PRKG1: variants seen among roughly 807,000 people sequenced by gnomAD.
PRKG1 encodes cGMP-dependent protein kinase 1.
A neutral mutation model predicts 88.1 loss-of-function variants in PRKG1; 35 were observed. The observed-to-expected ratio is 0.40, with a 90% CI of 0.30 to 0.53. The LOEUF is 0.53. Among genes scored for constraint, PRKG1 ranks in the 20% least tolerant of loss-of-function variants. PRKG1 has a pLI of 0.59. For synonymous variants in PRKG1, 303 were observed against 292.5 expected (o/e 1.04, Z -0.37); for missense variants, 540 against 839.8 (o/e 0.64, Z 4.41).
Position 51,034,664 on chromosome 10 carries a change from TTATTTA to T in PRKG1, c.266+43024_266+43029del, listed in dbSNP as rs1156240363. On this transcript the variant is annotated intron_variant, in intron 1 of 17. Coordinates refer to the PRKG1 transcript ENST00000401604. ...AATAAGCAAAATTATATATAATATG[TTATTTA>T]TATATATATATATATATATATATAT... 9.7e-3 allele frequency among the ~76,000 whole-genome samples: 96 copies of T among 9,944 alleles called. No individual in the cohort carries two copies. The East Asian group carries it at 0.2, about 20-fold the overall frequency. 6.5% of individuals were successfully genotyped at this position (9,944 alleles called of 152,430 possible).
intron 9 of PRKG1, among the ~76,000 whole-genome samples, chr10:52,166,880 T>TACACACACACAC (rs143459696): frequency 2.5e-5 from 3 of 121,946 alleles, no homozygotes; most frequent in African/African-American, 9.4e-5. Context: ...TGTGTATGTA[T>TACACACACACAC]ACACACACAC....
chr10:51,094,711 G>T (rs11596711), intron 1 of PRKG1, among the ~76,000 whole-genome samples: 6,446 of 152,176 alleles, frequency 0.042, 192 homozygotes, highest in Middle Eastern at 0.092. Context: ...AAAAGCTGCC[G>T]AAACCCTTGT....
chr10:51,625,288 C>T (rs1839307134), intron 3 of PRKG1, among the ~76,000 whole-genome samples: 1 of 151,990 alleles, frequency 6.6e-6, no homozygotes, highest in South Asian at 2.1e-4. Context: ...ACCAGACTGG[C>T]TAACATGGTG....
chr10:52,005,996 G>A (rs1844724853), intron 5 of PRKG1, among the ~76,000 whole-genome samples: 2 of 151,586 alleles, frequency 1.3e-5, no homozygotes, highest in Admixed American at 1.3e-4. Context: ...TTAAGACACA[G>A]TAGCAAACTA....
chr10:51,255,968 G>A (rs1441786984), intron 2 of PRKG1, among the ~76,000 whole-genome samples: 1 of 151,962 alleles, frequency 6.6e-6, no homozygotes, highest in East Asian at 1.9e-4. Context: ...ACTTCTAATG[G>A]GTCCAGATCA....
chr10:51,552,274 C>G (rs944235374), intron 3 of PRKG1, among the ~76,000 whole-genome samples: 6 of 151,586 alleles, frequency 4.0e-5, no homozygotes, highest in African/African-American at 1.4e-4. Flanking sequence ...CAAAAAGTTT[C>G]TAATAATGTC....
chr10:51,979,298 G>T (rs1168833708), intron 5 of PRKG1, among the ~76,000 whole-genome samples: 1 of 151,526 alleles, frequency 6.6e-6, no homozygotes, highest in African/African-American at 2.4e-5. Flanking sequence ...TGAATCTTAG[G>T]GATAAAGCCT....
chr10:52,267,004 C>T (rs976272393), intron 10 of PRKG1, among the ~76,000 whole-genome samples: 3 of 151,618 alleles, frequency 2.0e-5, no homozygotes, highest in Non-Finnish European at 4.4e-5. Context: ...TTTCTCTACT[C>T]GAAAGTAATT....
At chr10:52,133,775 C>T in intron 7 of PRKG1, 65 bp from the exon 8 acceptor site, 3 of 1,344,414 alleles carry the variant, frequency 2.2e-6, no homozygotes, top group African/African-American at 2.9e-5. Flanking sequence ...CTGAATTAAT[C>T]ACAATGGACA....
intron 1 of PRKG1, among the ~76,000 whole-genome samples, chr10:51,151,055 T>C (rs1846059311): frequency 6.6e-6 from 1 of 151,024 alleles, no homozygotes; most frequent in Non-Finnish European, 1.5e-5. Context: ...TGTATGTAGC[T>C]GAACAAGTTG....
chr10:51,797,052 A>G (rs936532888), intron 3 of PRKG1, among the ~76,000 whole-genome samples: 5 of 152,026 alleles, frequency 3.3e-5, no homozygotes, highest in Non-Finnish European at 7.4e-5. Flanking sequence ...GAACAAAGGC[A>G]TGGAGTAAAA....
intron 3 of PRKG1, among the ~76,000 whole-genome samples, chr10:51,722,448 A>G (rs1589232597): frequency 6.6e-6 from 1 of 151,744 alleles, no homozygotes; most frequent in Non-Finnish European, 1.5e-5. Flanking sequence ...TTTATTTATC[A>G]TATATATATT....
intron 2 of PRKG1, among the ~76,000 whole-genome samples, chr10:51,303,394 A>T (rs926243531): frequency 6.6e-6 from 1 of 150,868 alleles, no homozygotes; most frequent in Non-Finnish European, 1.5e-5. Context: ...AAACAGGCCT[A>T]TTCAGTTTAA....
chr10:51,755,435 A>C (rs1323087691), intron 3 of PRKG1, among the ~76,000 whole-genome samples: 1 of 152,214 alleles, frequency 6.6e-6, no homozygotes, highest in African/African-American at 2.4e-5. Context: ...TAAACAATCC[A>C]CTTAGAAATC....
At chr10:51,580,489 T>TA (rs1360671973) in intron 3 of PRKG1, among the ~76,000 whole-genome samples, 7 of 152,220 alleles carry the variant, frequency 4.6e-5, no homozygotes, top group East Asian at 3.9e-4. Flanking sequence ...GTTTCTGAAT[T>TA]AAAAAAATTA....
At chr10:51,023,507 C>T (rs1843166018) in intron 1 of PRKG1, among the ~76,000 whole-genome samples, 1 of 152,088 alleles carries the variant, frequency 6.6e-6, no homozygotes, top group Non-Finnish European at 1.5e-5. Flanking sequence ...GAGATGAAAC[C>T]CAGAAAACTA....
chr10:51,364,287 C>A lies in PRKG1; in HGVS notation c.479-103436C>A, dbSNP rs16917092. Among the ~76,000 whole-genome samples, 156 of 152,038 alleles carry A rather than the reference C, an allele frequency of 1.0e-3. 3 individuals carry two copies. In the East Asian group the frequency reaches 0.027, roughly 27 times the overall value. Reference sequence around the variant, plus strand: ...CCTGTCTGCTGTCTTAGGATGGGCTCTTCAGCAGTCAGGCAAATGGGAGGA... The same window carrying A: ...CCTGTCTGCTGTCTTAGGATGGGCTATTCAGCAGTCAGGCAAATGGGAGGA... On this transcript the variant is annotated intron_variant, in intron 2 of 17. Transcript: ENST00000373980.
chr10:51,390,756 G>C (rs1000471582), intron 2 of PRKG1, among the ~76,000 whole-genome samples: 6 of 152,176 alleles, frequency 3.9e-5, no homozygotes, highest in Non-Finnish European at 7.3e-5. Flanking sequence ...TTGCTAGGCA[G>C]TAAGCATTGA....
chr10:51,892,959 A>T (rs1841758308), intron 4 of PRKG1, among the ~76,000 whole-genome samples: 1 of 152,188 alleles, frequency 6.6e-6, no homozygotes, highest in South Asian at 2.1e-4. Context: ...ACCAGATGTA[A>T]TTTATTTAAT....
Sources: allele counts gnomAD v4.1 joint callset (sites outside exome capture counted in the v4.1 genomes callset), GRCh38; gene constraint gnomAD v4.1.1; transcripts MANE v1.5; gene names NCBI Gene and HGNC (gene_info 2026-07-23, HGNC 2026-07-21).